ROBO1: variants seen among roughly 807,000 people sequenced by gnomAD.
ROBO1 encodes the protein roundabout guidance receptor 1, also known as roundabout homolog 1.
ROBO1 carries 149 observed loss-of-function variants against 195.9 expected under a neutral mutation model. The ratio of observed to expected loss-of-function variants is 0.76; its 90% CI spans 0.67 to 0.87. ROBO1 has a LOEUF of 0.87. Ranked by LOEUF, ROBO1 falls within the 40% of genes least tolerant of loss-of-function variation. The probability of loss-of-function intolerance (pLI) is 0.00; values close to 1 mark genes in which losing one functional copy is unlikely to be tolerated. For synonymous variants in ROBO1, 816 were observed against 733.2 expected, an observed-to-expected ratio of 1.11 and a Z score of -1.82; for missense variants, 1,933 against 2,068.3, an observed-to-expected ratio of 0.93 and a Z score of 1.27.
chr3:78,952,937 A>G (rs2040863032), intron 3 of ROBO1, among the ~76,000 whole-genome samples: 1 of 152,136 alleles, frequency 6.6e-6, no homozygotes, highest in Admixed American at 6.6e-5. Flanking sequence ...GGTAGAATTT[A>G]TCATCTAAAA....
At chr3:78,647,539 C>A (rs1224176715) in intron 20 of ROBO1, 90 bp downstream of exon 20, 1 of 1,243,124 alleles carries the variant, frequency 8.0e-7, no homozygotes, top group African/African-American at 1.5e-5. Context: ...CCCCAACTTA[C>A]TGCAGAAAAT....
intron 2 of ROBO1, among the ~76,000 whole-genome samples, chr3:79,541,441 T>G (rs558587208): frequency 1.3e-5 from 2 of 152,108 alleles, no homozygotes; most frequent in East Asian, 3.9e-4. Flanking sequence ...TCAGAGGGAT[T>G]TTAGAGAAGG....
intron 1 of ROBO1, among the ~76,000 whole-genome samples, chr3:79,746,377 G>A (rs899614237): frequency 2.0e-5 from 3 of 151,940 alleles, no homozygotes; most frequent in Non-Finnish European, 2.9e-5. Context: ...TGTGATACAA[G>A]CATTAATTAA....
intron 3 of ROBO1, among the ~76,000 whole-genome samples, chr3:79,089,444 C>A (rs1173200315): frequency 6.6e-6 from 1 of 152,150 alleles, no homozygotes; most frequent in Non-Finnish European, 1.5e-5. Flanking sequence ...TAACTTTACA[C>A]TTACAGAAAT....
At chr3:78,925,388 C>T (rs2039153376) in intron 4 of ROBO1, among the ~76,000 whole-genome samples, 2 of 152,230 alleles carry the variant, frequency 1.3e-5, no homozygotes, top group South Asian at 4.1e-4. Flanking sequence ...GCATTGGACA[C>T]TCACAAATAT....
At chr3:78,660,768 T>C (rs571300884) in intron 16 of ROBO1, 149 of 306,510 alleles carry the variant, frequency 4.9e-4, no homozygotes, top group African/African-American at 3.1e-3. Flanking sequence ...TTCTGAATAA[T>C]TAAATTTCTA....
At chr3:79,510,429 A>G (rs1400700572) in intron 2 of ROBO1, among the ~76,000 whole-genome samples, 3 of 152,128 alleles carry the variant, frequency 2.0e-5, no homozygotes, top group African/African-American at 7.2e-5. Flanking sequence ...TAAATTCCCC[A>G]TTCTCTGGCA....
At position 79,488,918 on chromosome 3, in the gene ROBO1, A is replaced by C. The variant is rs185777184; in HGVS notation, c.88+100906T>G. Among the ~76,000 whole-genome samples, 88 of 152,294 alleles carry C rather than the reference A, an allele frequency of 5.8e-4. 1 individual carries two copies. Among genetic ancestry groups the C allele is most frequent in the Non-Finnish European group, 8.7e-4 (59 of 68,012 alleles). ...GATGCTTTATTTATAACTTTTGATG[A>C]ACTCAGTAAGATTTAGCCTTGAGTC... On this transcript the variant is annotated intron_variant, in intron 2 of 30. Coordinates refer to ENST00000464233, the MANE Select transcript of ROBO1 (RefSeq NM_002941.4).
At chr3:79,767,481 A>G (rs1307977155) in intron 1 of ROBO1, among the ~76,000 whole-genome samples, 2 of 152,208 alleles carry the variant, frequency 1.3e-5, no homozygotes, top group Non-Finnish European at 2.9e-5. Flanking sequence ...CACTCTGCAC[A>G]ACTGGCAAGG....
intron 2 of ROBO1, among the ~76,000 whole-genome samples, chr3:79,293,635 G>A (rs2032395106): frequency 6.6e-6 from 1 of 152,108 alleles, no homozygotes; most frequent in African/African-American, 2.4e-5. Context: ...CAGAGGACAT[G>A]AACAAATGGA....
intron 2 of ROBO1, among the ~76,000 whole-genome samples, chr3:79,214,824 A>T (rs1486830946): frequency 6.5e-5 from 9 of 139,368 alleles, no homozygotes; most frequent in Admixed American, 2.8e-4. Flanking sequence ...ATATATATAT[A>T]TATTTTTTTT....
At chr3:79,259,641 A>T (rs1019220274) in intron 2 of ROBO1, among the ~76,000 whole-genome samples, 6 of 152,022 alleles carry the variant, frequency 3.9e-5, no homozygotes, top group Admixed American at 3.9e-4. Flanking sequence ...CCACCCACAG[A>T]ATGGGAGAAA....
intron 3 of ROBO1, among the ~76,000 whole-genome samples, chr3:79,011,858 C>T (rs1484883289): frequency 6.6e-6 from 1 of 151,920 alleles, no homozygotes; most frequent in Admixed American, 6.6e-5. Context: ...CAAGAACTTA[C>T]TAGTCATACA....
intron 2 of ROBO1, among the ~76,000 whole-genome samples, chr3:79,199,052 C>T (rs555073802): frequency 2.6e-5 from 4 of 152,050 alleles, no homozygotes; most frequent in Non-Finnish European, 4.4e-5. Flanking sequence ...CTGGCCAGAG[C>T]TTCCAATACT....
At chr3:78,662,734 C>T (rs1231470761) in intron 14 of ROBO1, among the ~76,000 whole-genome samples, 1 of 152,040 alleles carries the variant, frequency 6.6e-6, no homozygotes, top group Non-Finnish European at 1.5e-5. Context: ...GAAAAAAGTA[C>T]TTAACGTTTA....
At chr3:78,725,894 T>C (rs1248227625) in intron 5 of ROBO1, among the ~76,000 whole-genome samples, 1 of 151,460 alleles carries the variant, frequency 6.6e-6, no homozygotes, top group Non-Finnish European at 1.5e-5. Context: ...TTTTCTACCC[T>C]AAAGCAAGTC....
At chr3:79,173,081 T>C (rs1436367321) in intron 2 of ROBO1, among the ~76,000 whole-genome samples, 2 of 152,130 alleles carry the variant, frequency 1.3e-5, no homozygotes, top group Non-Finnish European at 2.9e-5. Flanking sequence ...ACAGAAGTGC[T>C]TTACATGGGT....
At chr3:79,619,468 T>A (rs2107968294) in intron 1 of ROBO1, among the ~76,000 whole-genome samples, 1 of 152,262 alleles carries the variant, frequency 6.6e-6, no homozygotes, top group Non-Finnish European at 1.5e-5. Flanking sequence ...ATAATGGTTC[T>A]AAATGGCCAG....
At chr3:78,669,514 A>T (rs1235139356) in intron 11 of ROBO1, among the ~76,000 whole-genome samples, 2 of 152,180 alleles carry the variant, frequency 1.3e-5, no homozygotes, top group African/African-American at 2.4e-5. Flanking sequence ...AATCAAAACA[A>T]TAAAGTCCTG....
Sources: gnomAD v4.1 joint callset for allele counts (sites outside exome capture counted in the v4.1 genomes callset) on GRCh38, gnomAD v4.1.1 for gene constraint, MANE v1.5 for transcripts, NCBI Gene and HGNC (gene_info 2026-07-23, HGNC 2026-07-21) for gene names.